Variants in ADAM23 observed in about 807,000 individuals in gnomAD.
ADAM23 encodes the protein ADAM metallopeptidase domain 23, also known as disintegrin and metalloproteinase domain-containing protein 23.
ADAM23 carries 33 observed loss-of-function variants against 120.1 expected under a neutral mutation model. The ratio of observed to expected loss-of-function variants is 0.27; its 90% confidence interval spans 0.21 to 0.37. ADAM23 has a LOEUF of 0.37. Among genes scored for constraint, ADAM23 ranks in the 10% least tolerant of loss-of-function variants. The probability of loss-of-function intolerance (pLI) is 1.00; values close to 1 mark genes in which losing one functional copy is unlikely to be tolerated. For synonymous variants in ADAM23, 367 were observed against 375.2 expected, an observed-to-expected ratio of 0.98 and a Z score of 0.25; for missense variants, 862 against 1,058.2, an observed-to-expected ratio of 0.81 and a Z score of 2.57.
intron 9 of ADAM23, among the ~76,000 whole-genome samples, chr2:206,553,706 A>G (rs951874422): frequency 8.5e-5 from 13 of 152,178 alleles, no homozygotes; most frequent in African/African-American, 2.7e-4. Flanking sequence ...CCACTTCAGT[A>G]GTATATCAGA....
At chr2:206,473,602 C>T (rs28488665) in intron 2 of ADAM23, among the ~76,000 whole-genome samples, 147 of 122,442 alleles carry the variant, frequency 1.2e-3, no homozygotes, top group Admixed American at 2.5e-3. Flanking sequence ...ATAATAATAA[C>T]AACAACAACA....
chr2:206,613,928 T>C (rs1002638621), intron 25 of ADAM23, among the ~76,000 whole-genome samples: 1 of 152,132 alleles, frequency 6.6e-6, no homozygotes, highest in Non-Finnish European at 1.5e-5. Flanking sequence ...TAGGTGATGG[T>C]AGGAAAAGAA....
chr2:206,564,022 G>T (rs1697826290), intron 13 of ADAM23, among the ~76,000 whole-genome samples: 1 of 151,988 alleles, frequency 6.6e-6, no homozygotes, highest in Admixed American at 6.5e-5. Flanking sequence ...GAGCCACTGC[G>T]CCCGGCCTAA....
At chr2:206,495,245 A>G (rs1200145288) in intron 3 of ADAM23, among the ~76,000 whole-genome samples, 1 of 152,214 alleles carries the variant, frequency 6.6e-6, no homozygotes, top group Admixed American at 6.5e-5. Flanking sequence ...AAGGGCAGCC[A>G]GAGAGAAAGG....
In ADAM23 at chr2:206,610,413, G is replaced by T. The variant is rs533458271; in HGVS notation, c.2450+413G>T. Among the ~76,000 whole-genome samples, 9 of 152,284 alleles carry T rather than the reference G, an allele frequency of 5.9e-5. 1 individual carries two copies. In the East Asian group the frequency reaches 7.7e-4, roughly 13 times the overall value. On this transcript the variant is annotated intron_variant, in intron 25 of 25. Transcript: ENST00000264377. ...ATATTTTGAAATTTTCACAACCTAA[G>T]TAATTATGCAATCATTACTTGTATT... is the stretch of plus-strand genomic sequence containing the variant.
At chr2:206,473,939 G>A (rs933858973) in intron 2 of ADAM23, among the ~76,000 whole-genome samples, 2 of 150,456 alleles carry the variant, frequency 1.3e-5, no homozygotes, top group Admixed American at 6.6e-5. Flanking sequence ...CTTCAGCTAG[G>A]AGGTCAAGGC....
chr2:206,510,856 G>T (rs1353462331), intron 3 of ADAM23, among the ~76,000 whole-genome samples: 1 of 152,168 alleles, frequency 6.6e-6, no homozygotes, highest in Non-Finnish European at 1.5e-5. Context: ...TTCTTTATCA[G>T]TAACTTCCAG....
At chr2:206,611,451 C>T (rs1698826208) in intron 25 of ADAM23, among the ~76,000 whole-genome samples, 1 of 152,116 alleles carries the variant, frequency 6.6e-6, no homozygotes, top group Admixed American at 6.5e-5. Context: ...TAGTGTTCCA[C>T]TGCTACAAAA....
At chr2:206,499,910 G>A (rs1696352226) in intron 3 of ADAM23, among the ~76,000 whole-genome samples, 1 of 152,130 alleles carries the variant, frequency 6.6e-6, no homozygotes, top group African/African-American at 2.4e-5. Context: ...AGCAGTTTGA[G>A]ACAAGGTTTT....
chr2:206,449,711 G>C (rs929494799), intron 2 of ADAM23, among the ~76,000 whole-genome samples: 1 of 152,132 alleles, frequency 6.6e-6, no homozygotes, highest in Non-Finnish European at 1.5e-5. Flanking sequence ...CGGAGGTTGC[G>C]GTGAGCGTCA....
At chr2:206,481,077 A>G (rs1695885769) in intron 2 of ADAM23, among the ~76,000 whole-genome samples, 155 bp from the exon 3 acceptor site, 2 of 152,232 alleles carry the variant, frequency 1.3e-5, no homozygotes, top group Non-Finnish European at 2.9e-5. Flanking sequence ...ATGATATTGT[A>G]TCTAGTCTCC....
chr2:206,485,420 C>G (rs765620047), intron 3 of ADAM23, among the ~76,000 whole-genome samples: 2 of 152,152 alleles, frequency 1.3e-5, no homozygotes, highest in Non-Finnish European at 2.9e-5. Flanking sequence ...GGAAAGGTGT[C>G]TGGTAAGTAT....
At chr2:206,471,591 T>G (rs2105869106) in intron 2 of ADAM23, among the ~76,000 whole-genome samples, 1 of 152,294 alleles carries the variant, frequency 6.6e-6, no homozygotes, top group African/African-American at 2.4e-5. Context: ...TTTCCAAAAC[T>G]TATATTTTAT....
chr2:206,537,245 A>G (rs773769990), intron 4 of ADAM23, among the ~76,000 whole-genome samples: 5 of 152,072 alleles, frequency 3.3e-5, no homozygotes, highest in Non-Finnish European at 7.4e-5. Context: ...TCAAATCATC[A>G]TCACAGCTCA....
At chr2:206,533,259 T>C (rs1249287578) in intron 4 of ADAM23, among the ~76,000 whole-genome samples, 1 of 152,178 alleles carries the variant, frequency 6.6e-6, no homozygotes, top group African/African-American at 2.4e-5. Flanking sequence ...TAGAGTGCAG[T>C]GGTGCAATCT....
intron 3 of ADAM23, among the ~76,000 whole-genome samples, chr2:206,499,572 T>C (rs923052967): frequency 5.3e-5 from 8 of 151,800 alleles, no homozygotes; most frequent in Non-Finnish European, 8.8e-5. Context: ...CAAACCAACA[T>C]GGCACATGTA....
At chr2:206,608,934 A>T (rs1487006308) in intron 24 of ADAM23, among the ~76,000 whole-genome samples, 1 of 152,184 alleles carries the variant, frequency 6.6e-6, no homozygotes, top group Non-Finnish European at 1.5e-5. Flanking sequence ...ATAGGACTGA[A>T]AGTATTTTGT....
At chr2:206,540,055 G>A (rs756803394) in intron 4 of ADAM23, among the ~76,000 whole-genome samples, 1 of 152,118 alleles carries the variant, frequency 6.6e-6, no homozygotes, top group Non-Finnish European at 1.5e-5. Context: ...GATGGTGCAT[G>A]CCTGTAATCC....
intron 25 of ADAM23, 50 bp downstream of exon 25, chr2:206,610,050 T>C (rs1698798946): frequency 6.9e-7 from 1 of 1,452,004 alleles, no homozygotes; most frequent in African/African-American, 1.5e-5. Context: ...ATTTCTCTTT[T>C]CTGCTTACAT....
Sources: gnomAD v4.1 joint callset for allele counts (sites outside exome capture counted in the v4.1 genomes callset) on GRCh38, gnomAD v4.1.1 for gene constraint, MANE v1.5 for transcripts, NCBI Gene and HGNC (gene_info 2026-07-23, HGNC 2026-07-21) for gene names.